Variants in DNAH7 observed in about 807,000 individuals in gnomAD.
DNAH7 encodes the protein axonemal beta dynein heavy chain 7.
Under a neutral mutation model 444.6 loss-of-function variants are expected in DNAH7, and 397 were observed. The observed-to-expected ratio is 0.89, with a 90% confidence interval of 0.82 to 0.97. The LOEUF (loss-of-function observed/expected upper bound fraction) is 0.97. Ranked by LOEUF, DNAH7 falls within the 50% of genes least tolerant of loss-of-function variation. DNAH7 has a pLI of 0.00. For synonymous variants in DNAH7, 1,636 were observed against 1,624.4 expected (o/e 1.01, Z -0.17); for missense variants, 4,902 against 4,800.8 (o/e 1.02, Z -0.62).
In DNAH7 at chr2:195,975,503, A is replaced by C. The variant is rs529342881; in HGVS notation, c.1834-3037T>G. Among the ~76,000 whole-genome samples the C allele has an allele frequency of 2.0e-4, 30 of 152,300 alleles. No individual in the cohort carries two copies. The South Asian group carries it at 5.6e-3, about 28-fold the overall frequency. The stretch of plus-strand genomic sequence containing the variant: ...CTTGAAAGGCAGTCTAGGCCACAAG[A>C]ACTGCAACTCCTAGGCAAGTTTTAG... On this transcript the variant is annotated intron_variant, in intron 15 of 64. Transcript: ENST00000312428.
In DNAH7 at chr2:195,895,084, A is replaced by AT. The variant is rs573013205; in HGVS notation, c.4787dup (p.Tyr1596Ter). The AT allele has an allele frequency of 2.7e-3, 4,290 of 1,613,636 alleles. 17 individuals carry two copies. Among genetic ancestry groups the AT allele is most frequent in the Non-Finnish European group, 2.7e-3 (3,227 of 1,179,722 alleles). The part of the protein sequence containing the change: ...AFFSEKILQV[Y>*]EMMIVRHGFM... ...AACCATGACGCACAATCATCATTTCATATACTTGAAGAATCTTCTCGGAAA... is the reference window on the plus strand; with the variant it reads ...AACCATGACGCACAATCATCATTTCATTATACTTGAAGAATCTTCTCGGAAA... The change falls in exon 30 of 65, where the codon TAT becomes TAAT. Residue 1596 changes from tyrosine (Y) to a stop codon, truncating the protein, a stop_gained and frameshift_variant. Coordinates refer to ENST00000312428, the MANE Select transcript of DNAH7 (RefSeq NM_018897.3). LOFTEE classifies it high-confidence loss of function.
Position 195,743,664 on chromosome 2 carries a change from T to C in DNAH7, c.11765-2795A>G, listed in dbSNP as rs542695757. On this transcript the variant is annotated intron_variant, in intron 63 of 64. Coordinates refer to ENST00000312428, the MANE Select transcript of DNAH7 (RefSeq NM_018897.3). ...TAGGGTCCTATGAGAAAGTGATTCC[T>C]TGGGGAAAAACCCATTTATCTAAAT... is the stretch of plus-strand genomic sequence containing the variant. Among the ~76,000 whole-genome samples, 5 of 152,312 alleles carry C rather than the reference T, an allele frequency of 3.3e-5. No homozygotes were observed. The East Asian group carries it at 7.7e-4, about 24-fold the overall frequency.
chr2:195,968,932 C>T (rs778765126), intron 17 of DNAH7, among the ~76,000 whole-genome samples: 1 of 152,198 alleles, frequency 6.6e-6, no homozygotes, highest in Non-Finnish European at 1.5e-5. Context: ...ATGCAAAGTC[C>T]CCCAGTCACT....
At chr2:195,878,041 T>G (rs935864445) in intron 36 of DNAH7, among the ~76,000 whole-genome samples, 2 of 152,240 alleles carry the variant, frequency 1.3e-5, no homozygotes, top group Non-Finnish European at 2.9e-5. Flanking sequence ...AATAATAGTT[T>G]GAAAACAAGT....
chr2:195,743,829 A>G (rs1693202284), intron 63 of DNAH7, among the ~76,000 whole-genome samples: 1 of 152,242 alleles, frequency 6.6e-6, no homozygotes, highest in Admixed American at 6.5e-5. Context: ...ATAAAGTTCA[A>G]GATTTTGCAG....
chr2:196,041,822 T>C (rs981973985), intron 5 of DNAH7, among the ~76,000 whole-genome samples: 1 of 151,944 alleles, frequency 6.6e-6, no homozygotes, highest in Non-Finnish European at 1.5e-5. Flanking sequence ...AAGGGATTAA[T>C]AACCAGAATA....
At chr2:195,766,053 G>A (rs181584344) in intron 61 of DNAH7, among the ~76,000 whole-genome samples, 130 of 151,828 alleles carry the variant, frequency 8.6e-4, no homozygotes, top group East Asian at 1.2e-3. Flanking sequence ...TAAAAAGAAT[G>A]AGATCCTGTC....
intron 18 of DNAH7, among the ~76,000 whole-genome samples, chr2:195,958,094 A>C (rs1056718507): frequency 7.2e-5 from 11 of 152,094 alleles, no homozygotes; most frequent in African/African-American, 2.2e-4. Context: ...TCAACTGTGT[A>C]GGTCCACTTT....
At chr2:195,782,874 C>T (rs1695455287) in intron 58 of DNAH7, among the ~76,000 whole-genome samples, 2 of 152,172 alleles carry the variant, frequency 1.3e-5, no homozygotes, top group Admixed American at 6.5e-5. Context: ...TCTTTGTTCT[C>T]TTCTTTTTCT....
chr2:195,894,821 G>T, intron 30 of DNAH7, 155 bp downstream of exon 30: 1 of 695,012 alleles, frequency 1.4e-6, no homozygotes, highest in Non-Finnish European at 2.1e-6. Flanking sequence ...CTTCCTATTT[G>T]CTTCATTTTA....
At chr2:195,873,732 A>C (rs1574631886) in intron 38 of DNAH7, 38 bp from the exon 39 acceptor site, 1 of 1,413,370 alleles carries the variant, frequency 7.1e-7, no homozygotes, top group Middle Eastern at 1.8e-4. Context: ...TAATGTTACT[A>C]GTATATACAA....
chr2:195,824,107 G>T (rs1697598792), intron 49 of DNAH7, 148 bp downstream of exon 49: 1 of 657,298 alleles, frequency 1.5e-6, no homozygotes, highest in South Asian at 3.3e-5. Flanking sequence ...GCAACATTTG[G>T]AAATTATTAT....
chr2:195,936,264 C>T (rs1440987776), intron 20 of DNAH7, among the ~76,000 whole-genome samples: 1 of 152,076 alleles, frequency 6.6e-6, no homozygotes, highest in Admixed American at 6.6e-5. Flanking sequence ...ATCCCAGCTA[C>T]TCGGGAAGCT....
At chr2:196,036,886 C>T (rs1696428218) in intron 5 of DNAH7, among the ~76,000 whole-genome samples, 1 of 152,142 alleles carries the variant, frequency 6.6e-6, no homozygotes, top group African/African-American at 2.4e-5. Context: ...ACTGCCGGTG[C>T]CCATGCATGC....
intron 1 of DNAH7, among the ~76,000 whole-genome samples, chr2:196,059,405 G>A (rs1387101930): frequency 1.3e-5 from 2 of 152,196 alleles, no homozygotes; most frequent in East Asian, 1.9e-4. Flanking sequence ...CTTCTGGCCA[G>A]TTGTCAATTT....
intron 14 of DNAH7, among the ~76,000 whole-genome samples, chr2:195,986,181 G>C (rs1692894835): frequency 1.3e-5 from 2 of 152,140 alleles, no homozygotes; most frequent in Admixed American, 1.3e-4. Context: ...TGTCCTCTCT[G>C]TTCTACCTTG....
chr2:195,863,941 T>C (rs560161728), intron 41 of DNAH7, among the ~76,000 whole-genome samples: 1 of 152,342 alleles, frequency 6.6e-6, no homozygotes, highest in Non-Finnish European at 1.5e-5. Context: ...TCCTATAATA[T>C]ATTGAAGTTA....
At position 196,000,695 on chromosome 2, in the gene DNAH7, GTTAC is replaced by G. The variant is rs779043785; in HGVS notation, c.1353+5_1353+8del. On this transcript the variant is annotated splice_donor_5th_base_variant and intron_variant, in intron 12 of 64. Transcript: ENST00000312428. ...AAATTCAAGCAATCTTAATATCCTT[GTTAC>G]TTACCCACTTGGAATACAATTTTGT... 5 of 1,531,468 alleles carry G rather than the reference GTTAC, an allele frequency of 3.3e-6. No individual in the cohort carries two copies. Among genetic ancestry groups the G allele is most frequent in the South Asian group, 1.3e-5 (1 of 75,774 alleles). The allele number at this position is 1,531,468 out of a possible 1,614,324, so 94.9% of individuals were successfully genotyped here.
In DNAH7 at chr2:195,824,371, C is replaced by A; in HGVS notation, c.9175G>T (p.Gly3059Cys). 1.2e-6 allele frequency: 2 copies of A among 1,613,706 alleles called. No individual in the cohort carries two copies. The highest frequency in any genetic ancestry group is 1.7e-6 in the Non-Finnish European group (2 of 1,179,772). The change falls in exon 49 of 65, where the codon GGT becomes TGT. Residue 3059 changes from glycine to cysteine, a missense_variant. By Grantham distance (159) the Gly-to-Cys change is radical. Coordinates refer to ENST00000312428, the MANE Select transcript of DNAH7 (RefSeq NM_018897.3). ...PLLLKQTFKQ[G>C]GSTCIRLGDS... ...CCAAGCCGGATACATGTACTCCCAC[C>A]CTGCTTAAAGGTTTGTTTTAGTAGA...
Sources: allele counts gnomAD v4.1 joint callset (sites outside exome capture counted in the v4.1 genomes callset), GRCh38; gene constraint gnomAD v4.1.1; transcripts MANE v1.5; gene names NCBI Gene and HGNC (gene_info 2026-07-23, HGNC 2026-07-21).